Variants in COL24A1 observed in about 807,000 individuals in gnomAD.
COL24A1 encodes the protein collagen alpha-1(XXIV) chain.
A neutral mutation model predicts 253.9 loss-of-function variants in COL24A1; 224 were observed. The observed-to-expected ratio is 0.88, with a 90% CI of 0.79 to 0.99. COL24A1 has a LOEUF of 0.99. COL24A1 is among the 50% of genes least tolerant of loss of function. COL24A1 has a pLI of 0.00. For synonymous variants in COL24A1, 685 were observed against 673.7 expected, an observed-to-expected ratio of 1.02 and a Z score of -0.26; for missense variants, 2,131 against 2,068.5, an observed-to-expected ratio of 1.03 and a Z score of -0.59.
At chr1:85,771,620 A>G (rs980895764) in intron 53 of COL24A1, among the ~76,000 whole-genome samples, 4 of 151,998 alleles carry the variant, frequency 2.6e-5, no homozygotes, top group Non-Finnish European at 5.9e-5. Context: ...TATGCCCAGT[A>G]ATGGGATTGC....
intron 7 of COL24A1, among the ~76,000 whole-genome samples, chr1:86,077,332 G>A (rs1702322465): frequency 1.3e-5 from 2 of 152,128 alleles, no homozygotes; most frequent in Admixed American, 1.3e-4. Context: ...AAAAAGCCAG[G>A]AAACAACAGA....
intron 57 of COL24A1, among the ~76,000 whole-genome samples, chr1:85,741,794 A>G (rs984032435): frequency 2.6e-5 from 4 of 152,228 alleles, no homozygotes; most frequent in Admixed American, 2.6e-4. Context: ...CTGGGAATGA[A>G]AAGTTCCTAG....
At chr1:85,795,850 T>C (rs1461688309) in intron 47 of COL24A1, among the ~76,000 whole-genome samples, 3 of 152,144 alleles carry the variant, frequency 2.0e-5, no homozygotes, top group Admixed American at 1.3e-4. Context: ...ATATAAATAA[T>C]ACTTTACTTC....
chr1:85,769,774 C>T (rs2101266885), intron 53 of COL24A1, among the ~76,000 whole-genome samples: 1 of 152,254 alleles, frequency 6.6e-6, no homozygotes, highest in Non-Finnish European at 1.5e-5. Context: ...TTAATGTTGT[C>T]CATGTTTTCT....
intron 12 of COL24A1, among the ~76,000 whole-genome samples, chr1:86,042,428 T>TG (rs1219152840): frequency 6.6e-6 from 1 of 152,130 alleles, no homozygotes; most frequent in East Asian, 1.9e-4. Flanking sequence ...CATTTCATTT[T>TG]GGGAAAAAAG....
chr1:86,000,959 T>C (rs1183816058), intron 19 of COL24A1, among the ~76,000 whole-genome samples: 3 of 152,208 alleles, frequency 2.0e-5, no homozygotes, highest in African/African-American at 7.2e-5. Context: ...TCAAAACTGA[T>C]ATGACTATGC....
intron 24 of COL24A1, among the ~76,000 whole-genome samples, chr1:85,946,754 C>A (rs1448170662): frequency 6.6e-6 from 1 of 152,164 alleles, no homozygotes; most frequent in Non-Finnish European, 1.5e-5. Context: ...ATAACACATT[C>A]ATTCCTTCTC....
Position 85,895,839 on chromosome 1 carries a change from G to T in COL24A1, c.2922+19C>A, listed in dbSNP as rs754066132. 6.3e-7 allele frequency: 1 copy of T among 1,598,644 alleles called. No homozygotes were observed. The highest frequency in any genetic ancestry group is 8.5e-7 in the Non-Finnish European group (1 of 1,172,788). ...TGCAGATAAAAATTTTTCATAGCAT[G>T]ATTTTTTAAATTACTTACTGGTTTC... On this transcript the variant is annotated intron_variant, in intron 31 of 59. Coordinates refer to ENST00000370571, the MANE Select transcript of COL24A1 (RefSeq NM_152890.7).
intron 28 of COL24A1, among the ~76,000 whole-genome samples, chr1:85,901,536 G>A (rs1394613026): frequency 1.3e-5 from 2 of 152,080 alleles, no homozygotes; most frequent in Non-Finnish European, 2.9e-5. Context: ...GAGCCTGGGT[G>A]TGGTGGCTCA....
chr1:86,033,793 A>G (rs1698779783), intron 13 of COL24A1, 77 bp downstream of exon 13: 1 of 1,232,850 alleles, frequency 8.1e-7, no homozygotes, highest in Admixed American at 2.1e-5. Flanking sequence ...CAAATATGAT[A>G]ATAAGGACTG....
chr1:85,996,700 CGTA>C (rs1553253991), intron 19 of COL24A1, among the ~76,000 whole-genome samples: 3 of 151,958 alleles, frequency 2.0e-5, no homozygotes, highest in Non-Finnish European at 4.4e-5. Flanking sequence ...CAAGACAAGA[CGTA>C]GTTACTATGT....
At chr1:85,919,039 A>AC (rs1024515382) in intron 24 of COL24A1, among the ~76,000 whole-genome samples, 16 of 151,806 alleles carry the variant, frequency 1.1e-4, no homozygotes, top group South Asian at 2.1e-4. Context: ...GATATGTACC[A>AC]CTTTTTTTTT....
At chr1:85,779,222 C>T (rs572291673) in intron 52 of COL24A1, among the ~76,000 whole-genome samples, 1 of 152,128 alleles carries the variant, frequency 6.6e-6, no homozygotes, top group South Asian at 2.1e-4. Flanking sequence ...GGCTGTGTTC[C>T]AATTTCTTAT....
intron 54 of COL24A1, 51 bp downstream of exon 54, chr1:85,761,480 G>A (rs1308980953): frequency 1.2e-6 from 2 of 1,613,606 alleles, no homozygotes; most frequent in Middle Eastern, 3.3e-4. Context: ...CTTAAACCAG[G>A]CAAACATATA....
intron 2 of COL24A1, 100 bp downstream of exon 2, chr1:86,146,019 T>C (rs2892908): frequency 0.09 from 87,096 of 970,824 alleles, 4,566 homozygotes; most frequent in East Asian, 0.24. Context: ...TATTGTTTAA[T>C]GTTGAATTTA....
chr1:85,806,803 C>T (rs747387005), intron 47 of COL24A1, among the ~76,000 whole-genome samples: 16 of 152,222 alleles, frequency 1.1e-4, no homozygotes, highest in Admixed American at 4.6e-4. Flanking sequence ...CCCTGCTCTA[C>T]GACCCAGCAG....
intron 37 of COL24A1, among the ~76,000 whole-genome samples, chr1:85,858,716 C>A (rs1322452016): frequency 1.4e-5 from 2 of 146,872 alleles, no homozygotes; most frequent in Admixed American, 1.4e-4. Flanking sequence ...CCCTGCTTCC[C>A]TTCTTTCCTT....
intron 47 of COL24A1, among the ~76,000 whole-genome samples, chr1:85,792,308 C>T (rs1670353307): frequency 6.6e-6 from 1 of 151,784 alleles, no homozygotes; most frequent in South Asian, 2.1e-4. Context: ...ATCATCTATG[C>T]ATAAGGAAGC....
intron 19 of COL24A1, among the ~76,000 whole-genome samples, chr1:85,989,530 T>C (rs1459503057): frequency 2.0e-5 from 3 of 151,866 alleles, no homozygotes; most frequent in Non-Finnish European, 2.9e-5. Flanking sequence ...TCCTATCCCC[T>C]GTAAAATTCA....
Sources: gnomAD v4.1 joint callset for allele counts (sites outside exome capture counted in the v4.1 genomes callset) on GRCh38, gnomAD v4.1.1 for gene constraint, MANE v1.5 for transcripts, NCBI Gene and HGNC (gene_info 2026-07-23, HGNC 2026-07-21) for gene names.